PELO: variants seen among roughly 807,000 people sequenced by gnomAD.
The protein encoded by PELO is protein pelota homolog.
PELO carries 19 observed loss-of-function variants against 25.9 expected under a neutral mutation model. That is an observed-to-expected ratio of 0.73 (90% CI 0.51 to 1.08). The LOEUF is 1.08. Ranked by LOEUF, PELO falls within the 50% of genes least tolerant of loss-of-function variation. PELO has a pLI of 0.00. For missense variants in PELO, 498 were observed against 491.4 expected, an observed-to-expected ratio of 1.01 and a Z score of -0.13; for synonymous variants, 196 against 192.2, an observed-to-expected ratio of 1.02 and a Z score of -0.16.
intron 1 of PELO, among the ~76,000 whole-genome samples, chr5:52,798,168 G>A (rs1748381976): frequency 6.6e-6 from 1 of 152,190 alleles, no homozygotes; most frequent in Non-Finnish European, 1.5e-5. Context: ...AGTGTGATTA[G>A]TTCTTTGCTT....
In PELO at chr5:52,789,494, G is replaced by C. The variant is rs757849195; in HGVS notation, c.-511+1080G>C. 2.0e-4 allele frequency among the ~76,000 whole-genome samples: 31 copies of C among 152,288 alleles called. 1 individual carries two copies. Among genetic ancestry groups the C allele is most frequent in the African/African-American group, 4.1e-4 (17 of 41,560 alleles). ...TGTTAAGTTTTATGAAGATGATTTA[G>C]AAGTTGATTATCAGCAAGCAGAGCT... On this transcript the variant is annotated intron_variant, in intron 1 of 2. Coordinates refer to ENST00000274311, the MANE Select transcript of PELO (RefSeq NM_015946.5).
Position 52,802,128 on chromosome 5 carries a change from A to G in PELO, c.*288A>G, listed in dbSNP as rs1197796144. The G allele has an allele frequency of 2.9e-5, 9 of 308,664 alleles. No homozygotes were observed. The highest frequency in any genetic ancestry group is 4.8e-5 in the Non-Finnish European group (8 of 165,030). The allele number at this position is 308,664 out of a possible 1,614,324, so 19.1% of individuals were successfully genotyped here. A position where few individuals can be genotyped will look rare whatever the true frequency, so the allele number is the denominator to read the frequency against. On this transcript the variant is annotated 3_prime_UTR_variant, in exon 3 of 3. Coordinates refer to ENST00000274311, the MANE Select transcript of PELO (RefSeq NM_015946.5). ...GGAAACAGAAAATGTGTGTATTTAA[A>G]GACGATGCCTATGCAGTATATTGTT...
chr5:52,803,573 C>T lies in PELO; in HGVS notation c.*1733C>T, dbSNP rs535500408. ...ACCTGTTCACCTCAACTTGAGAGCT[C>T]TTAAAACCCTCAGTGTCCAGGTTGC... On this transcript the variant is annotated 3_prime_UTR_variant, in exon 3 of 3. Coordinates refer to ENST00000274311, the MANE Select transcript of PELO (RefSeq NM_015946.5). The T allele has an allele frequency of 2.0e-5, 3 of 152,294 alleles. No individual in the cohort carries two copies. Among genetic ancestry groups the T allele is most frequent in the Non-Finnish European group, 4.4e-5 (3 of 68,024 alleles). The allele number at this position is 152,294 out of a possible 1,614,324, so 9.4% of individuals were successfully genotyped here.
chr5:52,801,590 A>G lies in PELO; in HGVS notation c.908A>G (p.Asn303Ser), dbSNP rs563541986. 28 of 1,614,124 alleles carry G rather than the reference A, an allele frequency of 1.7e-5. No homozygotes were observed. Among genetic ancestry groups the G allele is most frequent in the African/African-American group, 4.0e-5 (3 of 75,044 alleles). Residue 303 changes from asparagine (N) to serine (S), a missense_variant, in exon 3 of 3, where the codon AAT becomes AGT. Physicochemically the swap from Asn to Ser is conservative, Grantham distance 46. Coordinates refer to ENST00000274311, the MANE Select transcript of PELO (RefSeq NM_015946.5). ...GGACTCAAGCAGGTGGAGAAGGCCA[A>G]TGAAGCCATGGCAATTGACACATTG... is the stretch of plus-strand genomic sequence containing the variant. ...FYGLKQVEKA[N>S]EAMAIDTLLI...
chr5:52,796,778 A>T (rs1193820988), intron 1 of PELO, among the ~76,000 whole-genome samples: 1 of 152,110 alleles, frequency 6.6e-6, no homozygotes, highest in Non-Finnish European at 1.5e-5. Flanking sequence ...CAAAAAAGAT[A>T]CATGTTTAAA....
chr5:52,796,634 G>A (rs1748348897), intron 1 of PELO, among the ~76,000 whole-genome samples: 1 of 151,984 alleles, frequency 6.6e-6, no homozygotes, highest in Admixed American at 6.5e-5. Context: ...TGAAATGTCT[G>A]TAATAATGTT....
At chr5:52,793,749 T>C (rs867639889) in intron 1 of PELO, among the ~76,000 whole-genome samples, 9 of 152,034 alleles carry the variant, frequency 5.9e-5, no homozygotes, top group African/African-American at 1.9e-4. Flanking sequence ...TAGGGGATAA[T>C]TGCTCCTCTG....
In PELO at chr5:52,793,201, C is replaced by T. The variant is rs576324214; in HGVS notation, c.-511+4787C>T. Among the ~76,000 whole-genome samples the T allele has an allele frequency of 3.9e-5, 6 of 152,178 alleles. No individual in the cohort carries two copies. In the South Asian group the frequency reaches 1.2e-3, roughly 32 times the overall value. Reference sequence around the variant, plus strand: ...ACTATCTAATTGCCTGTCTTTCCAGCTTGCTGTATGCTCTGTGAGGGTAGG... The same window carrying T: ...ACTATCTAATTGCCTGTCTTTCCAGTTTGCTGTATGCTCTGTGAGGGTAGG... On this transcript the variant is annotated intron_variant, in intron 1 of 2. Coordinates refer to ENST00000274311, the MANE Select transcript of PELO (RefSeq NM_015946.5).
intron 1 of PELO, 129 bp downstream of exon 1, chr5:52,788,543 T>A: frequency 1.4e-6 from 1 of 705,530 alleles, no homozygotes; most frequent in Non-Finnish European, 2.1e-6. Flanking sequence ...GCATTCCAGG[T>A]ACTCAGGCCA....
At chr5:52,792,322 A>G (rs757658169) in intron 1 of PELO, among the ~76,000 whole-genome samples, 8 of 152,176 alleles carry the variant, frequency 5.3e-5, no homozygotes, top group Non-Finnish European at 1.2e-4. Flanking sequence ...AATGACTCCC[A>G]ATGGCAGACA....
chr5:52,795,334 T>C (rs1440545190), intron 1 of PELO, among the ~76,000 whole-genome samples: 1 of 151,698 alleles, frequency 6.6e-6, no homozygotes, highest in East Asian at 1.9e-4. Flanking sequence ...AAGATTAGGT[T>C]TGTGTTGCAG....
chr5:52,801,169 T>C, intron 2 of PELO, 49 bp downstream of exon 2: 3 of 1,505,374 alleles, frequency 2.0e-6, no homozygotes, highest in Non-Finnish European at 2.7e-6. Context: ...GAGGGATTGG[T>C]ATAAACTACT....
At position 52,800,805 on chromosome 5, in the gene PELO, G is replaced by A. The variant is rs781748090; in HGVS notation, c.411G>A (p.Val137=). 1.9e-6 allele frequency: 3 copies of A among 1,612,278 alleles called. No homozygotes were observed. The highest frequency in any genetic ancestry group is 2.5e-6 in the Non-Finnish European group (3 of 1,178,752). The part of the protein sequence containing the change: ...QACDPAWSAD[V]AAVVMQEGLA... ...GTGACCCAGCCTGGAGCGCTGATGT[G>A]GCGGCTGTGGTCATGCAGGAAGGCC... The change falls in exon 2 of 3, where the codon GTG becomes GTA. Residue 137 remains valine, a synonymous_variant. Coordinates refer to ENST00000274311, the MANE Select transcript of PELO (RefSeq NM_015946.5).
At position 52,788,376 on chromosome 5, in the gene PELO, GC is replaced by G; in HGVS notation, c.-546del. 6.6e-7 allele frequency: 1 copy of G among 1,511,878 alleles called. No homozygotes were observed. Among genetic ancestry groups the G allele is most frequent in the Admixed American group, 2.1e-5 (1 of 47,552 alleles). 93.7% of individuals were successfully genotyped at this position (1,511,878 alleles called of 1,614,324 possible). A position where few individuals can be genotyped will look rare whatever the true frequency, so the allele number is the denominator to read the frequency against. On this transcript the variant is annotated 5_prime_UTR_variant, in exon 1 of 3. It introduces an in-frame stop codon into an upstream open reading frame of the 5' UTR. Coordinates refer to ENST00000274311, the MANE Select transcript of PELO (RefSeq NM_015946.5). Reference sequence around the variant, plus strand: ...GCCATGGCCCCTCGGCCCCGCGCCCGCCCAGGGGTCGCTGTCGCCTGCTGCT... The same window carrying G: ...GCCATGGCCCCTCGGCCCCGCGCCCGCCAGGGGTCGCTGTCGCCTGCTGCT...
rs1748496013 is a variant in PELO at position 52,801,882 on chromosome 5, C to T, written c.*42C>T. The T allele has an allele frequency of 2.8e-6, 4 of 1,423,064 alleles. No homozygotes were observed. Among genetic ancestry groups the T allele is most frequent in the Non-Finnish European group, 3.8e-6 (4 of 1,045,222 alleles). 88.2% of individuals were successfully genotyped at this position (1,423,064 alleles called of 1,614,324 possible). Reference sequence around the variant, plus strand: ...TTGAGACAATCTTGTGTTTCCTAAACTGTTACAGTACATTTCTCAGCATCC... The same window carrying T: ...TTGAGACAATCTTGTGTTTCCTAAATTGTTACAGTACATTTCTCAGCATCC... On this transcript the variant is annotated 3_prime_UTR_variant, in exon 3 of 3. Transcript: ENST00000274311.
chr5:52,799,180 T>A (rs1339457113), intron 1 of PELO, among the ~76,000 whole-genome samples: 3 of 152,194 alleles, frequency 2.0e-5, no homozygotes, highest in African/African-American at 7.2e-5. Flanking sequence ...TTTAGATTCT[T>A]TTGTTTTTTC....
intron 2 of PELO, 103 bp from the exon 3 acceptor site, chr5:52,801,306 A>G: frequency 8.7e-7 from 1 of 1,153,802 alleles, no homozygotes; most frequent in South Asian, 1.5e-5. Flanking sequence ...CTTCGCTGAA[A>G]CATATGAAGC....
intron 1 of PELO, among the ~76,000 whole-genome samples, chr5:52,799,654 C>T (rs973369205): frequency 2.0e-5 from 3 of 152,236 alleles, no homozygotes; most frequent in Non-Finnish European, 2.9e-5. Context: ...CAGTAGTTCT[C>T]AGAAACCGCT....
chr5:52,789,781 T>C (rs1226777921), intron 1 of PELO, among the ~76,000 whole-genome samples: 1 of 152,248 alleles, frequency 6.6e-6, no homozygotes, highest in Non-Finnish European at 1.5e-5. Context: ...TAGTTTACTA[T>C]CCAAGTTGTA....
Sources: gnomAD v4.1 joint callset for allele counts (sites outside exome capture counted in the v4.1 genomes callset) on GRCh38, gnomAD v4.1.1 for gene constraint, MANE v1.5 for transcripts, NCBI Gene and HGNC (gene_info 2026-07-23, HGNC 2026-07-21) for gene names.